COL24A1: variants seen among roughly 807,000 people sequenced by gnomAD.
The protein encoded by COL24A1 is collagen type XXIV alpha 1 chain, also known as collagen alpha-1(XXIV) chain.
COL24A1 carries 224 observed loss-of-function variants against 253.9 expected under a neutral mutation model. The ratio of observed to expected loss-of-function variants is 0.88; its 90% confidence interval spans 0.79 to 0.99. COL24A1 has a LOEUF of 0.99. Ranked by LOEUF, COL24A1 falls within the 50% of genes least tolerant of loss-of-function variation. The pLI is 0.00. For missense variants in COL24A1, 2,131 were observed against 2,068.5 expected (o/e 1.03, Z -0.59); for synonymous variants, 685 against 673.7 (o/e 1.02, Z -0.26).
intron 24 of COL24A1, among the ~76,000 whole-genome samples, chr1:85,955,026 G>A (rs1180854393): frequency 6.6e-6 from 1 of 152,178 alleles, no homozygotes; most frequent in Non-Finnish European, 1.5e-5. Flanking sequence ...GGTAACTGGT[G>A]AGGGCTCCAC....
intron 17 of COL24A1, 121 bp downstream of exon 17, chr1:86,022,417 A>G: frequency 1.5e-6 from 2 of 1,359,474 alleles, no homozygotes; most frequent in East Asian, 2.4e-5. Context: ...GTTTCAAACA[A>G]GAACTTAAAA....
intron 37 of COL24A1, 23 bp from the exon 38 acceptor site, chr1:85,849,429 G>T (rs771522467): frequency 1.5e-5 from 24 of 1,559,054 alleles, no homozygotes; most frequent in Non-Finnish European, 2.0e-5. Flanking sequence ...ATATAAAAAA[G>T]GAAATAAATG....
At chr1:86,000,221 T>C (rs17405131) in intron 19 of COL24A1, among the ~76,000 whole-genome samples, 60,543 of 152,064 alleles carry the variant, frequency 0.4, 12,467 homozygotes, top group East Asian at 0.59. Flanking sequence ...TATGTTAATC[T>C]ATCTCTACTA....
At chr1:85,828,538 T>C (rs1345083922) in intron 43 of COL24A1, among the ~76,000 whole-genome samples, 3 of 151,504 alleles carry the variant, frequency 2.0e-5, no homozygotes. Context: ...AAGTCTCCCA[T>C]TATTATTGTG....
At chr1:85,997,041 A>G (rs6703302) in intron 19 of COL24A1, among the ~76,000 whole-genome samples, 11,816 of 81,554 alleles carry the variant, frequency 0.14, 2,064 homozygotes, top group Middle Eastern at 0.25. Context: ...ATATATATAT[A>G]TGTGTGTGTG....
At chr1:86,011,928 C>A (rs1696523225) in intron 19 of COL24A1, among the ~76,000 whole-genome samples, 1 of 152,058 alleles carries the variant, frequency 6.6e-6, no homozygotes, top group Admixed American at 6.5e-5. Flanking sequence ...ACCTGTGGAG[C>A]AACCCCCAAT....
chr1:86,074,852 A>G (rs1054275487), intron 7 of COL24A1, among the ~76,000 whole-genome samples: 1 of 152,216 alleles, frequency 6.6e-6, no homozygotes, highest in Non-Finnish European at 1.5e-5. Context: ...TTTGAAACCA[A>G]TGAGAACAAA....
chr1:86,137,806 A>G (rs902649480), intron 2 of COL24A1, among the ~76,000 whole-genome samples: 5 of 152,272 alleles, frequency 3.3e-5, no homozygotes, highest in Admixed American at 2.0e-4. Flanking sequence ...TTCCACTTCA[A>G]TGTATTTTCC....
intron 24 of COL24A1, among the ~76,000 whole-genome samples, chr1:85,945,308 T>C (rs1205952128): frequency 2.0e-5 from 3 of 151,716 alleles, no homozygotes; most frequent in Admixed American, 1.3e-4. Context: ...TGTGAGCCAC[T>C]GCGCCCGGCC....
At chr1:86,138,524 G>A (rs4912464) in intron 2 of COL24A1, among the ~76,000 whole-genome samples, 1 of 152,116 alleles carries the variant, frequency 6.6e-6, no homozygotes, top group Admixed American at 6.6e-5. Context: ...GGTTTCACTA[G>A]ATCTGATGGT....
intron 19 of COL24A1, among the ~76,000 whole-genome samples, chr1:86,003,144 T>C (rs931868322): frequency 3.3e-5 from 5 of 152,280 alleles, no homozygotes; most frequent in East Asian, 3.9e-4. Context: ...AGTAAGGCCA[T>C]GTCATCTGAA....
intron 24 of COL24A1, among the ~76,000 whole-genome samples, chr1:85,919,957 G>A (rs1016110950): frequency 6.6e-6 from 1 of 152,170 alleles, no homozygotes; most frequent in African/African-American, 2.4e-5. Flanking sequence ...CTCACAGAAA[G>A]TGCACTGAAT....
intron 7 of COL24A1, among the ~76,000 whole-genome samples, chr1:86,077,240 A>C (rs1175468867): frequency 6.6e-6 from 1 of 152,176 alleles, no homozygotes; most frequent in Non-Finnish European, 1.5e-5. Flanking sequence ...ACATATGAAA[A>C]AAAGCTCATA....
Position 85,737,463 on chromosome 1 carries a change from G to A in COL24A1, c.4715C>T (p.Ala1572Val), listed in dbSNP as rs1664172256. ...IDPNLGCPSD[A>V]IEVFCNFSAG... ...ACTGAAATTGCAGAAAACCTCAATG[G>A]CATCTGAAGGACAGCCAAGATTTGG... Residue 1572 changes from alanine (A) to valine (V), a missense_variant, in exon 58 of 60, where the codon GCC becomes GTC. Coordinates refer to ENST00000370571, the MANE Select transcript of COL24A1 (RefSeq NM_152890.7). 1.2e-6 allele frequency: 2 copies of A among 1,612,788 alleles called. No individual in the cohort carries two copies. Among genetic ancestry groups the A allele is most frequent in the Non-Finnish European group, 8.5e-7 (1 of 1,179,236 alleles).
chr1:85,895,958 T>C, intron 30 of COL24A1, 56 bp from the exon 31 acceptor site: 3 of 1,601,174 alleles, frequency 1.9e-6, no homozygotes, highest in Non-Finnish European at 1.7e-6. Context: ...AGATTAATCA[T>C]ACTAAGAAAA....
At position 85,980,246 on chromosome 1, in the gene COL24A1, A is replaced by T. The variant is rs535224021; in HGVS notation, c.2364+7355T>A. Among the ~76,000 whole-genome samples, 6 of 152,318 alleles carry T rather than the reference A, an allele frequency of 3.9e-5. No homozygotes were observed. In the East Asian group the frequency reaches 1.2e-3, roughly 29 times the overall value. On this transcript the variant is annotated intron_variant, in intron 20 of 59. Transcript: ENST00000370571. Reference sequence around the variant, plus strand: ...GTGAACATTATGGTGAATGGGGAAAAGTTAAAAGCATTCCTGCTGAGAATT... The same window carrying T: ...GTGAACATTATGGTGAATGGGGAAATGTTAAAAGCATTCCTGCTGAGAATT...
At chr1:86,033,749 G>C in intron 13 of COL24A1, 121 bp downstream of exon 13, 1 of 846,090 alleles carries the variant, frequency 1.2e-6, no homozygotes. Context: ...GTGCACAGTG[G>C]TGTGGAGATT....
intron 7 of COL24A1, among the ~76,000 whole-genome samples, chr1:86,080,280 G>T (rs531143996): frequency 1.3e-4 from 20 of 152,208 alleles, no homozygotes; most frequent in African/African-American, 4.3e-4. Flanking sequence ...GCTGGGAGGG[G>T]AATAGGAGAT....
intron 12 of COL24A1, among the ~76,000 whole-genome samples, chr1:86,034,988 G>T (rs999717362): frequency 6.6e-6 from 1 of 151,944 alleles, no homozygotes; most frequent in Non-Finnish European, 1.5e-5. Flanking sequence ...CTTTACATAG[G>T]CAAGTCAGTA....
Sources: gnomAD v4.1 joint callset for allele counts (sites outside exome capture counted in the v4.1 genomes callset) on GRCh38, gnomAD v4.1.1 for gene constraint, MANE v1.5 for transcripts, NCBI Gene and HGNC (gene_info 2026-07-23, HGNC 2026-07-21) for gene names.